TTLL11: variants seen among roughly 807,000 people sequenced by gnomAD.
TTLL11 encodes the protein tubulin polyglutamylase TTLL11.
A neutral mutation model predicts 51.7 loss-of-function variants in TTLL11; 42 were observed. The ratio of observed to expected loss-of-function variants is 0.81; its 90% CI spans 0.64 to 1.05. The LOEUF (loss-of-function observed/expected upper bound fraction) is 1.05, where lower values mean the gene tolerates loss of function less well. Ranked by LOEUF, TTLL11 falls within the 50% of genes least tolerant of loss-of-function variation. The pLI is 0.00. For missense variants in TTLL11, 799 were observed against 940.4 expected, an observed-to-expected ratio of 0.85 and a Z score of 1.97; for synonymous variants, 381 against 383.5, an observed-to-expected ratio of 0.99 and a Z score of 0.08.
chr9:121,849,775 AACT>A (rs1293180227), intron 8 of TTLL11, among the ~76,000 whole-genome samples: 1 of 152,226 alleles, frequency 6.6e-6, no homozygotes, highest in East Asian at 1.9e-4. Context: ...GGGCAAAAAG[AACT>A]CTCATTGATT....
rs77081453 is a variant in TTLL11, at chr9:121,879,380, G to A, written c.1482-8632C>T. On this transcript the variant is annotated intron_variant, in intron 6 of 8. Transcript: ENST00000321582. ...CAGGACCACCTAACAAACCCTCCAC[G>A]TGTGCCTCATTTTCTCAGGCCTGGC... Among the ~76,000 whole-genome samples the A allele has an allele frequency of 5.1e-4, 78 of 152,288 alleles. 2 individuals are homozygous for A. In the East Asian group the frequency reaches 0.012, roughly 23 times the overall value.
rs530838317 is a variant in TTLL11, at chr9:122,089,708, T to G, written c.462+2979A>C. Among the ~76,000 whole-genome samples the G allele has an allele frequency of 2.6e-4, 39 of 152,302 alleles. No homozygotes were observed. In the South Asian group the frequency reaches 6.8e-3, roughly 27 times the overall value. ...TACCACCCCTGCCCTCAGGACTTCA[T>G]GCAGTAATGAGGAAGGGTGACAGTA... On this transcript the variant is annotated intron_variant, in intron 1 of 8. Coordinates refer to ENST00000321582, the MANE Select transcript of TTLL11 (RefSeq NM_001139442.2).
intron 1 of TTLL11, among the ~76,000 whole-genome samples, chr9:122,061,401 C>G (rs1845429018): frequency 6.6e-6 from 1 of 152,146 alleles, no homozygotes; most frequent in Non-Finnish European, 1.5e-5. Flanking sequence ...TCAGTGCTTT[C>G]CAGTTTTTCC....
chr9:121,958,473 T>A (rs546192038), intron 6 of TTLL11, among the ~76,000 whole-genome samples: 87 of 152,234 alleles, frequency 5.7e-4, no homozygotes, highest in African/African-American at 1.9e-3. Context: ...CCTTAGCACC[T>A]CCACCATTTC....
intron 3 of TTLL11, among the ~76,000 whole-genome samples, chr9:121,996,042 C>T (rs570340462): frequency 1.7e-4 from 26 of 152,300 alleles, no homozygotes; most frequent in African/African-American, 4.6e-4. Context: ...GCACCCTGTT[C>T]GGCTTATCAC....
intron 1 of TTLL11, among the ~76,000 whole-genome samples, chr9:122,046,921 C>A (rs892852898): frequency 6.6e-6 from 1 of 152,190 alleles, no homozygotes; most frequent in Non-Finnish European, 1.5e-5. Context: ...TGATTAAGTA[C>A]CTCCTACGCG....
chr9:121,908,691 C>A (rs920642115), intron 6 of TTLL11, among the ~76,000 whole-genome samples: 2 of 152,200 alleles, frequency 1.3e-5, no homozygotes, highest in African/African-American at 2.4e-5. Context: ...AACAGACATG[C>A]AGATGTGCTG....
chr9:121,982,386 G>C (rs565821513), intron 4 of TTLL11, among the ~76,000 whole-genome samples: 1 of 152,258 alleles, frequency 6.6e-6, no homozygotes, highest in East Asian at 1.9e-4. Context: ...TCTCAGGGAG[G>C]TGACATATGG....
rs1186111524 is a variant in TTLL11 at position 121,815,856 on chromosome 9, T to G, written c.*6731A>C. The G allele has an allele frequency of 1.3e-5, 2 of 152,260 alleles. No individual in the cohort carries two copies. Among genetic ancestry groups the G allele is most frequent in the East Asian group, 3.9e-4 (2 of 5,170 alleles). The allele number at this position is 152,260 out of a possible 1,614,324, so 9.4% of individuals were successfully genotyped here. ...AGCTGCAGTCTCTTAAAGGCAGAGC[T>G]CAGCACAGAGCGGAGGGGGCTGGAG... On this transcript the variant is annotated 3_prime_UTR_variant, in exon 9 of 9. Transcript: ENST00000321582.
At chr9:121,891,095 C>G (rs1839212678) in intron 6 of TTLL11, among the ~76,000 whole-genome samples, 1 of 152,208 alleles carries the variant, frequency 6.6e-6, no homozygotes, top group South Asian at 2.1e-4. Context: ...TTTTTAACCC[C>G]TTTTGAAGCC....
chr9:121,901,801 T>C (rs1379376344), intron 6 of TTLL11, among the ~76,000 whole-genome samples: 1 of 152,196 alleles, frequency 6.6e-6, no homozygotes, highest in Non-Finnish European at 1.5e-5. Context: ...CACAAGGGAT[T>C]GTCAGATGCT....
At chr9:122,072,698 T>C (rs1845759046) in intron 1 of TTLL11, among the ~76,000 whole-genome samples, 1 of 152,144 alleles carries the variant, frequency 6.6e-6, no homozygotes, top group African/African-American at 2.4e-5. Flanking sequence ...CTTGCCACCA[T>C]GCCACAATCC....
rs1564260472 is a variant in TTLL11, at chr9:121,826,521, ATATATATGTGTG to A, written c.1841-3654_1841-3643del. On this transcript the variant is annotated intron_variant, in intron 8 of 8. Coordinates refer to ENST00000321582, the MANE Select transcript of TTLL11 (RefSeq NM_001139442.2). The stretch of plus-strand genomic sequence containing the variant: ...TGTGTGTATATATATATATGTATAT[ATATATATGTGTG>A]TGTGTATATATATATATGTGTGTGT... 1.8e-4 allele frequency among the ~76,000 whole-genome samples: 11 copies of A among 62,446 alleles called. No individual in the cohort carries two copies. The South Asian group carries it at 2.0e-3, about 11-fold the overall frequency. 41.0% of individuals were successfully genotyped at this position (62,446 alleles called of 152,430 possible).
chr9:121,895,177 T>C (rs62573960), intron 6 of TTLL11, among the ~76,000 whole-genome samples: 20,377 of 152,248 alleles, frequency 0.13, 1,624 homozygotes, highest in Admixed American at 0.22. Flanking sequence ...GTTTTCAGAA[T>C]CCTTCTCTCT....
chr9:122,056,390 T>A (rs1314362241), intron 1 of TTLL11, among the ~76,000 whole-genome samples: 1 of 152,200 alleles, frequency 6.6e-6, no homozygotes, highest in Non-Finnish European at 1.5e-5. Flanking sequence ...CTCAATTCAC[T>A]CTCACAACAA....
intron 6 of TTLL11, among the ~76,000 whole-genome samples, chr9:121,962,804 C>T (rs1588157982): frequency 6.6e-6 from 1 of 152,336 alleles, no homozygotes; most frequent in African/African-American, 2.4e-5. Flanking sequence ...AAAATAAAGT[C>T]ACCGCCTCAC....
intron 4 of TTLL11, among the ~76,000 whole-genome samples, chr9:121,986,645 A>G (rs1842949628): frequency 6.6e-6 from 1 of 152,014 alleles, no homozygotes; most frequent in South Asian, 2.1e-4. Flanking sequence ...CCTGGTACTG[A>G]TCATGGCCTG....
At chr9:121,837,824 A>T (rs909511283) in intron 8 of TTLL11, among the ~76,000 whole-genome samples, 1 of 150,838 alleles carries the variant, frequency 6.6e-6, no homozygotes, top group Non-Finnish European at 1.5e-5. Flanking sequence ...GGTACCTTCC[A>T]CTCCCATGTC....
intron 1 of TTLL11, among the ~76,000 whole-genome samples, chr9:122,079,896 G>T (rs1845958148): frequency 6.6e-6 from 1 of 152,094 alleles, no homozygotes; most frequent in Admixed American, 6.5e-5. Flanking sequence ...GGGAGGCCGA[G>T]GTGGAAGGAT....
Sources: allele counts gnomAD v4.1 joint callset (sites outside exome capture counted in the v4.1 genomes callset), GRCh38; gene constraint gnomAD v4.1.1; transcripts MANE v1.5; gene names NCBI Gene and HGNC (gene_info 2026-07-23, HGNC 2026-07-21).